LRMDA: variants seen among roughly 807,000 people sequenced by gnomAD.
The protein encoded by LRMDA is leucine rich melanocyte differentiation associated, also known as leucine-rich melanocyte differentiation-associated protein.
LRMDA carries 18 observed loss-of-function variants against 29.8 expected under a neutral mutation model. The ratio of observed to expected loss-of-function variants is 0.60; its 90% confidence interval spans 0.42 to 0.90. The LOEUF (loss-of-function observed/expected upper bound fraction) is 0.90. Ranked by LOEUF, LRMDA falls within the 40% of genes least tolerant of loss-of-function variation. LRMDA has a pLI of 0.00. For synonymous variants in LRMDA, 125 were observed against 109.4 expected (o/e 1.14, Z -0.89); for missense variants, 273 against 273.9 (o/e 1.00, Z 0.02).
intron 2 of LRMDA, among the ~76,000 whole-genome samples, chr10:75,719,518 G>A (rs1218154774): frequency 6.6e-6 from 1 of 152,220 alleles, no homozygotes; most frequent in South Asian, 2.1e-4. Context: ...CTTAGTCGTA[G>A]AGTATTTCTC....
chr10:75,845,613 G>A (rs1844620370), intron 2 of LRMDA, among the ~76,000 whole-genome samples: 1 of 152,134 alleles, frequency 6.6e-6, no homozygotes, highest in Non-Finnish European at 1.5e-5. Context: ...AGCTGCAGAG[G>A]GAAGGAGCTC....
intron 2 of LRMDA, among the ~76,000 whole-genome samples, chr10:75,865,434 A>C (rs1346970950): frequency 1.3e-5 from 2 of 152,192 alleles, no homozygotes; most frequent in African/African-American, 4.8e-5. Context: ...TGAAAAAATT[A>C]ATCATGACTC....
At chr10:75,942,678 C>A (rs777777271) in intron 2 of LRMDA, among the ~76,000 whole-genome samples, 1 of 152,168 alleles carries the variant, frequency 6.6e-6, no homozygotes, top group Non-Finnish European at 1.5e-5. Context: ...AGGATTTGGC[C>A]TGGTCAACTT....
chr10:75,733,127 A>C (rs1483820334), intron 2 of LRMDA, among the ~76,000 whole-genome samples: 2 of 152,208 alleles, frequency 1.3e-5, no homozygotes, highest in Non-Finnish European at 2.9e-5. Context: ...GATGAAAATG[A>C]ATATGTGGGC....
At chr10:75,660,063 CTT>C (rs752725816) in intron 2 of LRMDA, among the ~76,000 whole-genome samples, 56 of 152,246 alleles carry the variant, frequency 3.7e-4, no homozygotes, top group Non-Finnish European at 3.2e-4. Context: ...GTGTCTCTGT[CTT>C]TCTCCCTCTC....
At chr10:76,340,637 G>A (rs538566023) in intron 6 of LRMDA, among the ~76,000 whole-genome samples, 2 of 150,786 alleles carry the variant, frequency 1.3e-5, no homozygotes, top group African/African-American at 2.4e-5. Context: ...TTGATAAAGT[G>A]TATCTACCAG....
intron 6 of LRMDA, among the ~76,000 whole-genome samples, chr10:76,382,559 A>G (rs958873612): frequency 1.2e-4 from 18 of 152,208 alleles, no homozygotes; most frequent in Admixed American, 5.9e-4. Context: ...GGGTTGCTCA[A>G]TTCCTCAGAT....
At chr10:75,954,336 G>T (rs79298445) in intron 2 of LRMDA, among the ~76,000 whole-genome samples, 1 of 152,162 alleles carries the variant, frequency 6.6e-6, no homozygotes, top group South Asian at 2.1e-4. Flanking sequence ...GGTCTATCCC[G>T]ATGATAGGCA....
chr10:75,564,924 G>GA (rs1840350609), intron 2 of LRMDA, among the ~76,000 whole-genome samples: 2 of 152,180 alleles, frequency 1.3e-5, no homozygotes, highest in Non-Finnish European at 2.9e-5. Flanking sequence ...TAAATGTCAG[G>GA]AAAAATTATT....
intron 2 of LRMDA, among the ~76,000 whole-genome samples, chr10:75,947,343 G>A (rs1846493863): frequency 6.6e-6 from 1 of 152,198 alleles, no homozygotes; most frequent in Non-Finnish European, 1.5e-5. Context: ...GATGAGCTGA[G>A]ATCACAGGTC....
intron 2 of LRMDA, among the ~76,000 whole-genome samples, chr10:75,836,659 C>T (rs1367822745): frequency 6.6e-6 from 1 of 152,154 alleles, no homozygotes; most frequent in Non-Finnish European, 1.5e-5. Flanking sequence ...TAATTTTACT[C>T]ATGTTATTTC....
At chr10:75,567,557 T>C (rs1840389190) in intron 2 of LRMDA, among the ~76,000 whole-genome samples, 1 of 152,214 alleles carries the variant, frequency 6.6e-6, no homozygotes, top group South Asian at 2.1e-4. Flanking sequence ...ACCAAGCATT[T>C]AAAGTTCAGG....
At chr10:76,507,424 T>A (rs1842970267) in intron 6 of LRMDA, among the ~76,000 whole-genome samples, 1 of 143,810 alleles carries the variant, frequency 7.0e-6, no homozygotes. Flanking sequence ...ATTGTTTTTG[T>A]TTTTTGCTAT....
intron 2 of LRMDA, among the ~76,000 whole-genome samples, chr10:75,479,162 T>G (rs947996090): frequency 6.6e-6 from 1 of 152,044 alleles, no homozygotes; most frequent in African/African-American, 2.4e-5. Context: ...GCCAAGTGTA[T>G]AGTGAGGTGA....
rs904729619 is a variant in LRMDA, at chr10:76,184,779, C to T, written c.516+125996C>T. ...CCCGCTGTCTTCTTTTCCCCCAGTA[C>T]GTGTATTAATGACCCAAACAAGAAA... is the stretch of plus-strand genomic sequence containing the variant. On this transcript the variant is annotated intron_variant, in intron 5 of 6. Transcript: ENST00000611255. Among the ~76,000 whole-genome samples, 46 of 152,238 alleles carry T rather than the reference C, an allele frequency of 3.0e-4. 1 individual carries two copies. The highest frequency in any genetic ancestry group is 2.9e-3 in the Admixed American group (44 of 15,296).
intron 6 of LRMDA, among the ~76,000 whole-genome samples, chr10:76,443,062 T>A (rs1247865202): frequency 6.6e-6 from 1 of 152,164 alleles, no homozygotes; most frequent in Non-Finnish European, 1.5e-5. Context: ...ATGAATTAGC[T>A]ATGGAGTCAG....
At chr10:76,372,968 T>C (rs958788654) in intron 6 of LRMDA, among the ~76,000 whole-genome samples, 12 of 152,288 alleles carry the variant, frequency 7.9e-5, no homozygotes, top group African/African-American at 2.6e-4. Context: ...CCTTATCAAG[T>C]GTATTTGGGA....
chr10:76,091,696 C>A (rs1849234699), intron 5 of LRMDA, among the ~76,000 whole-genome samples: 1 of 152,004 alleles, frequency 6.6e-6, no homozygotes, highest in Non-Finnish European at 1.5e-5. Context: ...AACTCCCACC[C>A]CTTCTTTTAG....
intron 2 of LRMDA, among the ~76,000 whole-genome samples, chr10:75,481,811 G>A (rs1844858283): frequency 6.6e-6 from 1 of 152,098 alleles, no homozygotes; most frequent in Non-Finnish European, 1.5e-5. Flanking sequence ...TTTCTTAAAT[G>A]CCTTGAGCTG....
Sources: allele counts gnomAD v4.1 joint callset (sites outside exome capture counted in the v4.1 genomes callset), GRCh38; gene constraint gnomAD v4.1.1; transcripts MANE v1.5; gene names NCBI Gene and HGNC (gene_info 2026-07-23, HGNC 2026-07-21).